The following TMPRSS11A variants were observed in gnomAD, a reference collection of about 807,000 sequenced individuals.
The protein encoded by TMPRSS11A is transmembrane protease serine 11A.
Under a neutral mutation model 58.9 loss-of-function variants are expected in TMPRSS11A, and 53 were observed. That is an observed-to-expected ratio of 0.90 (90% CI 0.72 to 1.13). The LOEUF is 1.13. Among genes scored for constraint, TMPRSS11A ranks in the 50% most tolerant of loss-of-function variants. The probability of loss-of-function intolerance (pLI) is 0.00; values close to 1 mark genes in which losing one functional copy is unlikely to be tolerated. For synonymous variants in TMPRSS11A, 167 were observed against 169.8 expected (o/e 0.98, Z 0.13); for missense variants, 493 against 499.3 (o/e 0.99, Z 0.12).
Position 67,929,721 on chromosome 4 carries a change from G to C in TMPRSS11A, c.481+159C>G, listed in dbSNP as rs1194758743. 1.4e-5 allele frequency among the ~76,000 whole-genome samples: 2 copies of C among 147,378 alleles called. 1 individual carries two copies. Among genetic ancestry groups the C allele is most frequent in the Non-Finnish European group, 3.1e-5 (2 of 64,884 alleles). Reference sequence around the variant, plus strand: ...ACTAACTTCAGACATGCTTACGTTAGAGACTAATACACCTTGAAATGTCAC... The same window carrying C: ...ACTAACTTCAGACATGCTTACGTTACAGACTAATACACCTTGAAATGTCAC... On this transcript the variant is annotated intron_variant, in intron 5 of 9. Coordinates refer to ENST00000508048, the MANE Select transcript of TMPRSS11A (RefSeq NM_001114387.2).
At chr4:67,921,692 T>A (rs1278862663) in intron 7 of TMPRSS11A, among the ~76,000 whole-genome samples, 2 of 152,218 alleles carry the variant, frequency 1.3e-5, no homozygotes, top group African/African-American at 4.8e-5. Context: ...TTTATTATAG[T>A]AACAAAAGTT....
intron 1 of TMPRSS11A, among the ~76,000 whole-genome samples, chr4:67,956,032 A>G (rs1443689104): frequency 6.6e-6 from 1 of 152,160 alleles, no homozygotes; most frequent in Non-Finnish European, 1.5e-5. Context: ...TGACTCTAAC[A>G]TGTATCTTGA....
At chr4:67,956,565 T>A (rs1320349686) in intron 1 of TMPRSS11A, among the ~76,000 whole-genome samples, 1 of 152,144 alleles carries the variant, frequency 6.6e-6, no homozygotes, top group Non-Finnish European at 1.5e-5. Flanking sequence ...TTTCCCCCTA[T>A]AAAATAGGGC....
At chr4:67,923,484 A>G (rs899965449) in intron 6 of TMPRSS11A, among the ~76,000 whole-genome samples, 2 of 152,162 alleles carry the variant, frequency 1.3e-5, no homozygotes. Context: ...ACTGTTAGCG[A>G]TTAAGATGAA....
At position 67,918,977 on chromosome 4, in the gene TMPRSS11A, A is replaced by G. The variant is rs1720234977; in HGVS notation, c.948T>C (p.Tyr316=). 6 of 1,614,010 alleles carry G rather than the reference A, an allele frequency of 3.7e-6. No homozygotes were observed. Among genetic ancestry groups the G allele is most frequent in the Admixed American group, 1.7e-5 (1 of 59,998 alleles). The part of the protein sequence containing the change: ...VHITGFGALY[Y]GGESQNDLRE... ...TAGCTATCCTGAGATACCCACCACC[A>G]TAGTAAAGTGCTCCAAATCCTGTGA... The change falls in exon 8 of 10, where the codon TAT becomes TAC. Residue 316 remains tyrosine (Y), a synonymous_variant. Transcript: ENST00000508048.
chr4:67,943,835 A>G (rs1339851761), intron 3 of TMPRSS11A, among the ~76,000 whole-genome samples: 1 of 152,176 alleles, frequency 6.6e-6, no homozygotes, highest in Non-Finnish European at 1.5e-5. Flanking sequence ...TTTGATTAAA[A>G]CAAACCAATA....
chr4:67,917,822 A>G (rs1220514313), intron 8 of TMPRSS11A, among the ~76,000 whole-genome samples: 2 of 152,218 alleles, frequency 1.3e-5, no homozygotes, highest in African/African-American at 2.4e-5. Context: ...TGCAAGCCCT[A>G]TCTTCAGAGA....
intron 2 of TMPRSS11A, among the ~76,000 whole-genome samples, chr4:67,945,269 A>G (rs1720973411): frequency 6.6e-6 from 1 of 152,146 alleles, no homozygotes; most frequent in African/African-American, 2.4e-5. Context: ...TGGTAATCTG[A>G]GGAGTAAGGC....
At chr4:67,916,855 T>TA (rs1209122017) in intron 8 of TMPRSS11A, among the ~76,000 whole-genome samples, 3 of 151,794 alleles carry the variant, frequency 2.0e-5, no homozygotes, top group African/African-American at 7.3e-5. Flanking sequence ...AAAATAAAAA[T>TA]AAAATAATGG....
chr4:67,938,890 G>A (rs1311182953), intron 3 of TMPRSS11A, among the ~76,000 whole-genome samples: 1 of 146,700 alleles, frequency 6.8e-6, no homozygotes, highest in Non-Finnish European at 1.5e-5. Flanking sequence ...TTGGCTATTG[G>A]GGCTTTTTTT....
chr4:67,931,832 G>C (rs1344144308), intron 4 of TMPRSS11A, among the ~76,000 whole-genome samples, 161 bp downstream of exon 4: 1 of 152,100 alleles, frequency 6.6e-6, no homozygotes, highest in African/African-American at 2.4e-5. Flanking sequence ...TGACAAAACG[G>C]TGGTCAGCCC....
Position 67,922,918 on chromosome 4 carries a change from T to C in TMPRSS11A, c.529A>G (p.Lys177Glu). The C allele has an allele frequency of 6.2e-7, 1 of 1,614,012 alleles. No homozygotes were observed. Among genetic ancestry groups the C allele is most frequent in the Non-Finnish European group, 8.5e-7 (1 of 1,179,884 alleles). The change falls in exon 7 of 10, where the codon AAA (lysine) becomes GAA (glutamate). Residue 177 changes from lysine to glutamate, a missense_variant. Transcript: ENST00000508048. The part of the protein sequence containing the change: ...GELTVQASCG[K>E]RVVPLNVNRI... ...TTGACGTTTAATGGAACAACTCGTT[T>C]ACCACAACCTGAAAAAAGATGAGAT...
At position 67,920,549 on chromosome 4, in the gene TMPRSS11A, A is replaced by ATATATATATATATATAT. The variant is rs371252656; in HGVS notation, c.693-1318_693-1317insATATATATATATATATA. ...TAATTATATATATATATATATATATATTTTTTTTTATATATACACACACAC... is the reference window on the plus strand; with the variant it reads ...TAATTATATATATATATATATATATATATATATATATATATATTTTTTTTTTATATATACACACACAC... On this transcript the variant is annotated intron_variant, in intron 7 of 9. Coordinates refer to ENST00000508048, the MANE Select transcript of TMPRSS11A (RefSeq NM_001114387.2). 3.0e-3 allele frequency among the ~76,000 whole-genome samples: 394 copies of ATATATATATATATATAT among 130,852 alleles called. 3 individuals are homozygous for ATATATATATATATATAT. Among genetic ancestry groups the ATATATATATATATATAT allele is most frequent in the African/African-American group, 0.011 (361 of 32,600 alleles). The allele number at this position is 130,852 out of a possible 152,430, so 85.8% of individuals were successfully genotyped here. A position where few individuals can be genotyped will look rare whatever the true frequency, so the allele number is the denominator to read the frequency against.
intron 1 of TMPRSS11A, among the ~76,000 whole-genome samples, chr4:67,955,944 T>C (rs1721279260): frequency 6.6e-6 from 1 of 152,094 alleles, no homozygotes; most frequent in African/African-American, 2.4e-5. Context: ...AAAAAAGAGG[T>C]CTTCTATAGG....
At chr4:67,962,863 G>A (rs1721471033) in intron 1 of TMPRSS11A, among the ~76,000 whole-genome samples, 1 of 152,166 alleles carries the variant, frequency 6.6e-6, no homozygotes, top group African/African-American at 2.4e-5. Context: ...TATTGAGCTT[G>A]TTTTCTCATT....
chr4:67,941,494 C>A (rs906447072), intron 3 of TMPRSS11A, among the ~76,000 whole-genome samples: 3 of 152,184 alleles, frequency 2.0e-5, no homozygotes, highest in Non-Finnish European at 4.4e-5. Context: ...TATATCATGT[C>A]ATGATATTCA....
In TMPRSS11A at chr4:67,911,253, C is replaced by A; in HGVS notation, c.*89G>T. 2 of 1,138,274 alleles carry A rather than the reference C, an allele frequency of 1.8e-6. No homozygotes were observed. Among genetic ancestry groups the A allele is most frequent in the Non-Finnish European group, 2.5e-6 (2 of 807,652 alleles). 70.5% of individuals were successfully genotyped at this position (1,138,274 alleles called of 1,614,324 possible). A position where few individuals can be genotyped will look rare whatever the true frequency, so the allele number is the denominator to read the frequency against. Reference sequence around the variant, plus strand: ...GTTACTAGATCCAGTAATTTAATATCACTTTGTTGTACTACACCCACTAAA... The same window carrying A: ...GTTACTAGATCCAGTAATTTAATATAACTTTGTTGTACTACACCCACTAAA... On this transcript the variant is annotated 3_prime_UTR_variant, in exon 10 of 10. Transcript: ENST00000508048.
At chr4:67,959,577 A>G (rs150324228) in intron 1 of TMPRSS11A, among the ~76,000 whole-genome samples, 1 of 152,320 alleles carries the variant, frequency 6.6e-6, no homozygotes, top group East Asian at 1.9e-4. Context: ...ATACAGGTGG[A>G]CAACAAACAT....
chr4:67,960,821 G>A (rs895918013), intron 1 of TMPRSS11A, among the ~76,000 whole-genome samples: 2 of 152,114 alleles, frequency 1.3e-5, no homozygotes, highest in Admixed American at 6.6e-5. Flanking sequence ...TTGTCTAAAG[G>A]TGATGAGGAA....
Sources: allele counts gnomAD v4.1 joint callset (sites outside exome capture counted in the v4.1 genomes callset), GRCh38; gene constraint gnomAD v4.1.1; transcripts MANE v1.5; gene names NCBI Gene and HGNC (gene_info 2026-07-23, HGNC 2026-07-21).